ADAM23: variants seen among roughly 807,000 people sequenced by gnomAD.
The protein encoded by ADAM23 is ADAM metallopeptidase domain 23, also known as disintegrin and metalloproteinase domain-containing protein 23.
ADAM23 carries 33 observed loss-of-function variants against 120.1 expected under a neutral mutation model. The ratio of observed to expected loss-of-function variants is 0.27; its 90% CI spans 0.21 to 0.37. The LOEUF (loss-of-function observed/expected upper bound fraction) is 0.37. ADAM23 is among the 10% of genes least tolerant of loss of function. The pLI, the probability that ADAM23 is intolerant of heterozygous loss-of-function variation, is 1.00. For missense variants in ADAM23, 862 were observed against 1,058.2 expected (o/e 0.81, Z 2.57); for synonymous variants, 367 against 375.2 (o/e 0.98, Z 0.25).
chr2:206,460,040 A>G lies in ADAM23; in HGVS notation c.432+14516A>G, dbSNP rs79324438. 1.6e-3 allele frequency among the ~76,000 whole-genome samples: 241 copies of G among 151,670 alleles called. 3 individuals carry two copies. The highest frequency in any genetic ancestry group is 5.1e-3 in the African/African-American group (211 of 41,300). ...CATATCAGGCAGAATGATCCTTTTT[A>G]AATTCTGATTGGATCATTTCACTCT... On this transcript the variant is annotated intron_variant, in intron 2 of 25. Coordinates refer to ENST00000264377, the MANE Select transcript of ADAM23 (RefSeq NM_003812.4).
chr2:206,588,047 A>G lies in ADAM23; in HGVS notation c.1789-44A>G, dbSNP rs1329399723. On this transcript the variant is annotated intron_variant, in intron 19 of 25. Transcript: ENST00000264377. Reference sequence around the variant, plus strand: ...CATTGTAGTAAAAACATTGGGGAAGACAAACTGACTCTGTGTGCCTCACAT... The same window carrying G: ...CATTGTAGTAAAAACATTGGGGAAGGCAAACTGACTCTGTGTGCCTCACAT... 3 of 1,605,776 alleles carry G rather than the reference A, an allele frequency of 1.9e-6. No individual in the cohort carries two copies. The South Asian group carries it at 3.3e-5, about 18-fold the overall frequency.
At chr2:206,565,626 T>A (rs2105826234) in intron 14 of ADAM23, among the ~76,000 whole-genome samples, 1 of 152,354 alleles carries the variant, frequency 6.6e-6, no homozygotes. Context: ...CCAGAGCTGC[T>A]GTTGCTTCAG....
At position 206,547,442 on chromosome 2, in the gene ADAM23, G is replaced by A. The variant is rs1184161798; in HGVS notation, c.734G>A (p.Arg245Gln). The A allele has an allele frequency of 1.9e-6, 3 of 1,612,238 alleles. No homozygotes were observed. The highest frequency in any genetic ancestry group is 1.7e-5 in the Admixed American group (1 of 59,832). Residue 245 changes from arginine (R) to glutamine (Q), a missense_variant, in exon 7 of 26, where the codon CGA becomes CAA. Arg to Gln is a conservative substitution (Grantham distance 43). Around this residue, in one of 4 missense-constraint regions of ADAM23, gnomAD observed 617 missense variants for 813.5 expected, o/e 0.76. Transcript: ENST00000264377. Reference protein sequence around the residue: ...ELVHDEKSTGRPHIIQKTLAG... With the variant: ...ELVHDEKSTGQPHIIQKTLAG... ...GTTTTGTTTCAGAAAAGCACAGGTCGACCACATATAATCCAGAAAACCTTG... is the reference window on the plus strand; with the variant it reads ...GTTTTGTTTCAGAAAAGCACAGGTCAACCACATATAATCCAGAAAACCTTG...
In ADAM23 at chr2:206,583,967, G is replaced by A. The variant is rs544385204; in HGVS notation, c.1738-3358G>A. Among the ~76,000 whole-genome samples the A allele has an allele frequency of 3.3e-5, 5 of 152,134 alleles. No individual in the cohort carries two copies. The East Asian group carries it at 9.7e-4, about 29-fold the overall frequency. ...CATATTACCAGAGTTGGTTTTTTTG[G>A]TTCCTTCTCATTTGGGTAGGCTCTG... On this transcript the variant is annotated intron_variant, in intron 18 of 25. Coordinates refer to ENST00000264377, the MANE Select transcript of ADAM23 (RefSeq NM_003812.4).
chr2:206,497,901 C>T (rs1385765654), intron 3 of ADAM23, among the ~76,000 whole-genome samples: 1 of 152,090 alleles, frequency 6.6e-6, no homozygotes, highest in Non-Finnish European at 1.5e-5. Flanking sequence ...CTCCCATTCA[C>T]AATTGCTTCA....
intron 7 of ADAM23, 146 bp downstream of exon 7, chr2:206,547,647 G>A: frequency 1.6e-6 from 1 of 606,270 alleles, no homozygotes; most frequent in Admixed American, 3.3e-5. Flanking sequence ...AATGAGTGGT[G>A]GCTCTTGTGT....
intron 2 of ADAM23, among the ~76,000 whole-genome samples, chr2:206,477,922 A>ATATATATATATATATATAT (rs1491552690): frequency 1.1e-4 from 15 of 137,070 alleles, no homozygotes; most frequent in African/African-American, 3.0e-4. Context: ...ATATATATAT[A>ATATATATATATATATATAT]AAACAACAAT....
chr2:206,617,490 C>T, intron 25 of ADAM23, 89 bp from the exon 26 acceptor site: 2 of 1,404,984 alleles, frequency 1.4e-6, no homozygotes, highest in East Asian at 4.9e-5. Flanking sequence ...GCATTATTGT[C>T]ATTATCATCA....
rs181396390 is a variant in ADAM23 at position 206,516,929 on chromosome 2, C to T, written c.510-13956C>T. On this transcript the variant is annotated intron_variant, in intron 3 of 25. Transcript: ENST00000264377. ...GAGGGCAGACAACTTCTTCTGACCTCATTTCCTCCTGATCATTGTGGACAT... is the reference window on the plus strand; with the variant it reads ...GAGGGCAGACAACTTCTTCTGACCTTATTTCCTCCTGATCATTGTGGACAT... Among the ~76,000 whole-genome samples the T allele has an allele frequency of 7.0e-3, 1,060 of 152,210 alleles. 8 individuals are homozygous for T. The highest frequency in any genetic ancestry group is 8.9e-3 in the Non-Finnish European group (604 of 67,994).
At chr2:206,608,811 A>G (rs1392220018) in intron 24 of ADAM23, among the ~76,000 whole-genome samples, 3 of 152,196 alleles carry the variant, frequency 2.0e-5, no homozygotes, top group Non-Finnish European at 4.4e-5. Flanking sequence ...AGTTGAGGGC[A>G]CTGATGTGAG....
intron 24 of ADAM23, among the ~76,000 whole-genome samples, chr2:206,604,136 C>T (rs1367498801): frequency 2.0e-5 from 3 of 151,808 alleles, no homozygotes; most frequent in Non-Finnish European, 2.9e-5. Context: ...TGTGGTGGTG[C>T]GCACCTGTAG....
At chr2:206,615,945 G>A (rs1478831344) in intron 25 of ADAM23, among the ~76,000 whole-genome samples, 1 of 152,102 alleles carries the variant, frequency 6.6e-6, no homozygotes, top group Admixed American at 6.5e-5. Context: ...TTTAGATGTG[G>A]GCAACATGCA....
chr2:206,598,745 C>T (rs1189176086), intron 24 of ADAM23, among the ~76,000 whole-genome samples: 2 of 151,506 alleles, frequency 1.3e-5, no homozygotes, highest in African/African-American at 4.9e-5. Flanking sequence ...ACTAAAAATA[C>T]AAAAATTAGC....
chr2:206,618,062 G>C lies in ADAM23; in HGVS notation c.*435G>C. The C allele has an allele frequency of 6.4e-6, 1 of 156,938 alleles. No homozygotes were observed. The highest frequency in any genetic ancestry group is 1.4e-5 in the Non-Finnish European group (1 of 71,196). 9.7% of individuals were successfully genotyped at this position (156,938 alleles called of 1,614,324 possible). On this transcript the variant is annotated 3_prime_UTR_variant, in exon 26 of 26. Transcript: ENST00000264377. ...TTACTACCGATGACAAACTCCAGTG[G>C]CATGAAGATCTAATTTTCAAAAGGG...
At chr2:206,560,514 C>T (rs565426090) in intron 11 of ADAM23, among the ~76,000 whole-genome samples, 1 of 152,106 alleles carries the variant, frequency 6.6e-6, no homozygotes, top group African/African-American at 2.4e-5. Context: ...AAATCATTTG[C>T]TAGGTGTTAG....
intron 22 of ADAM23, among the ~76,000 whole-genome samples, chr2:206,593,472 A>G (rs2105850083): frequency 6.6e-6 from 1 of 152,292 alleles, no homozygotes; most frequent in African/African-American, 2.4e-5. Flanking sequence ...AAGTGAGGTA[A>G]TATAAGATTT....
At chr2:206,588,244 G>C (rs1698361126) in intron 20 of ADAM23, 90 bp downstream of exon 20, 1 of 1,338,390 alleles carries the variant, frequency 7.5e-7, no homozygotes. Flanking sequence ...GAGATGCACA[G>C]CTTGGAGTGA....
At chr2:206,449,366 T>G (rs1179544285) in intron 2 of ADAM23, among the ~76,000 whole-genome samples, 1 of 152,246 alleles carries the variant, frequency 6.6e-6, no homozygotes, top group East Asian at 1.9e-4. Context: ...GGACCATACA[T>G]TTTAAAAGCA....
At chr2:206,540,667 G>A (rs991771070) in intron 4 of ADAM23, among the ~76,000 whole-genome samples, 1 of 152,000 alleles carries the variant, frequency 6.6e-6, no homozygotes, top group Admixed American at 6.6e-5. Context: ...AGTTCGTATG[G>A]GGGGAAACCA....
Sources: gnomAD v4.1 joint callset for allele counts (sites outside exome capture counted in the v4.1 genomes callset) on GRCh38, gnomAD v4.1.1 for gene constraint, gnomAD v4.1.1 regional missense constraint, MANE v1.5 for transcripts, NCBI Gene and HGNC (gene_info 2026-07-23, HGNC 2026-07-21) for gene names.